Variants in ABCC2 observed in about 807,000 individuals in gnomAD.
ABCC2 encodes ATP-binding cassette sub-family C member 2.
Under a neutral mutation model 173.4 loss-of-function variants are expected in ABCC2, and 157 were observed. The ratio of observed to expected loss-of-function variants is 0.91; its 90% CI spans 0.80 to 1.03. The LOEUF (loss-of-function observed/expected upper bound fraction) is 1.03, where lower values mean the gene tolerates loss of function less well. Ranked by LOEUF, ABCC2 falls within the 50% of genes least tolerant of loss-of-function variation. ABCC2 has a pLI of 0.00. For synonymous variants in ABCC2, 657 were observed against 693.5 expected (o/e 0.95, Z 0.83); for missense variants, 1,822 against 1,852.3 (o/e 0.98, Z 0.30).
rs2038340236 is a variant in ABCC2, at chr10:99,814,575, A to G, written c.2094+1431A>G. On this transcript the variant is annotated intron_variant, in intron 16 of 31. Coordinates refer to ENST00000647814, the MANE Select transcript of ABCC2 (RefSeq NM_000392.5). Reference sequence around the variant, plus strand: ...TGTGTATATACACATATACACACACATATGTGTATATACACATATACACAC... The same window carrying G: ...TGTGTATATACACATATACACACACGTATGTGTATATACACATATACACAC... 2.0e-5 allele frequency among the ~76,000 whole-genome samples: 2 copies of G among 101,120 alleles called. 1 individual carries two copies. The highest frequency in any genetic ancestry group is 7.9e-5 in the African/African-American group (2 of 25,386). 66.3% of individuals were successfully genotyped at this position (101,120 alleles called of 152,430 possible).
At chr10:99,847,392 A>G (rs934386648) in intron 30 of ABCC2, among the ~76,000 whole-genome samples, 9 of 151,812 alleles carry the variant, frequency 5.9e-5, no homozygotes, top group African/African-American at 9.7e-5. Flanking sequence ...ACCTGAGGTC[A>G]GGAGTTCGTG....
rs552720973 is a variant in ABCC2 at position 99,834,808 on chromosome 10, C to T, written c.3414+273C>T. ...TGGAAGCTTAGGTCGGACAGATTTA[C>T]GTTTGGATCCAAGACTACTTTGAGA... On this transcript the variant is annotated intron_variant, in intron 24 of 31. Coordinates refer to ENST00000647814, the MANE Select transcript of ABCC2 (RefSeq NM_000392.5). Among the ~76,000 whole-genome samples the T allele has an allele frequency of 2.5e-4, 38 of 152,286 alleles. No individual in the cohort carries two copies. The South Asian group carries it at 6.4e-3, about 26-fold the overall frequency.
chr10:99,818,291 C>T (rs2038458050), intron 17 of ABCC2, among the ~76,000 whole-genome samples: 1 of 151,938 alleles, frequency 6.6e-6, no homozygotes, highest in African/African-American at 2.4e-5. Flanking sequence ...TATTTTGAAA[C>T]CTCTAAATAA....
At chr10:99,835,275 G>A (rs979096433) in intron 24 of ABCC2, among the ~76,000 whole-genome samples, 3 of 152,120 alleles carry the variant, frequency 2.0e-5, no homozygotes, top group Admixed American at 1.3e-4. Context: ...CCCCATGTCC[G>A]TGTACAGTTC....
At position 99,851,762 on chromosome 10, in the gene ABCC2, A is replaced by G. The variant is rs1488117209; in HGVS notation, c.*131A>G. ...TTTAAAAAAGGATAAGTGAACACCC[A>G]TGAACCTACTACCCAGGTTAAGAAA... is the stretch of plus-strand genomic sequence containing the variant. On this transcript the variant is annotated 3_prime_UTR_variant, in exon 32 of 32. Transcript: ENST00000647814. 8 of 897,986 alleles carry G rather than the reference A, an allele frequency of 8.9e-6. No individual in the cohort carries two copies. The highest frequency in any genetic ancestry group is 1.2e-5 in the Non-Finnish European group (7 of 606,678). The allele number at this position is 897,986 out of a possible 1,614,324, so 55.6% of individuals were successfully genotyped here.
intron 7 of ABCC2, among the ~76,000 whole-genome samples, chr10:99,798,857 A>T (rs1412212110): frequency 6.6e-6 from 1 of 152,166 alleles, no homozygotes; most frequent in Non-Finnish European, 1.5e-5. Context: ...AGCAACCATG[A>T]AAAGAACAAG....
chr10:99,810,511 A>G (rs899653709), intron 14 of ABCC2, among the ~76,000 whole-genome samples: 2 of 152,204 alleles, frequency 1.3e-5, no homozygotes, highest in Non-Finnish European at 2.9e-5. Context: ...GGGATTGGGA[A>G]GGTAGCCTGG....
intron 23 of ABCC2, among the ~76,000 whole-genome samples, chr10:99,832,448 C>T (rs2038756941): frequency 6.6e-6 from 1 of 151,912 alleles, no homozygotes; most frequent in Non-Finnish European, 1.5e-5. Flanking sequence ...GAAAAAAAGG[C>T]ACTAGCCCAG....
intron 2 of ABCC2, chr10:99,789,281 C>T (rs2037772187): frequency 6.6e-6 from 1 of 152,208 alleles, no homozygotes; most frequent in South Asian, 2.1e-4. Context: ...GGGACACCTC[C>T]TCATATGTCA....
chr10:99,787,443 T>C (rs2037733971), intron 2 of ABCC2, among the ~76,000 whole-genome samples: 1 of 152,016 alleles, frequency 6.6e-6, no homozygotes. Flanking sequence ...TGTATTGATA[T>C]TTTACCCCTT....
chr10:99,850,481 C>T, intron 30 of ABCC2, 121 bp from the exon 31 acceptor site: 3 of 1,002,696 alleles, frequency 3.0e-6, no homozygotes, highest in Non-Finnish European at 4.6e-6. Flanking sequence ...CCCAAACATT[C>T]CAGGGGAATT....
chr10:99,794,131 C>CA, intron 5 of ABCC2, 132 bp downstream of exon 5: 1 of 816,734 alleles, frequency 1.2e-6, no homozygotes, highest in Non-Finnish European at 1.9e-6. Flanking sequence ...CATTTTATGA[C>CA]AAGGAAACAG....
chr10:99,821,505 C>T (rs1175618495), intron 19 of ABCC2, among the ~76,000 whole-genome samples: 6 of 152,076 alleles, frequency 3.9e-5, no homozygotes, highest in Non-Finnish European at 7.4e-5. Context: ...GTCCCTGCGG[C>T]CTTCCGCAGT....
chr10:99,826,224 G>A (rs953538524), intron 19 of ABCC2, among the ~76,000 whole-genome samples: 2 of 152,196 alleles, frequency 1.3e-5, no homozygotes, highest in Admixed American at 6.5e-5. Context: ...AACAACTCCT[G>A]TTATTGCTTG....
intron 2 of ABCC2, among the ~76,000 whole-genome samples, chr10:99,789,582 G>GT (rs1480366639): frequency 6.6e-6 from 1 of 151,858 alleles, no homozygotes; most frequent in African/African-American, 2.4e-5. Context: ...GGGCATAATG[G>GT]TTCACACCTG....
chr10:99,811,846 C>T (rs1476852402), intron 15 of ABCC2, among the ~76,000 whole-genome samples: 1 of 152,184 alleles, frequency 6.6e-6, no homozygotes, highest in East Asian at 1.9e-4. Flanking sequence ...CAGCTGTGAT[C>T]CCATGAAGAC....
At chr10:99,840,466 C>A (rs2038919635) in intron 25 of ABCC2, among the ~76,000 whole-genome samples, 2 of 148,816 alleles carry the variant, frequency 1.3e-5, no homozygotes, top group Admixed American at 6.6e-5. Context: ...CCTCCGGCGC[C>A]GCGACCTCCT....
chr10:99,812,339 G>A (rs1010793766), intron 15 of ABCC2, among the ~76,000 whole-genome samples: 1 of 152,146 alleles, frequency 6.6e-6, no homozygotes, highest in Admixed American at 6.5e-5. Flanking sequence ...TATAGGTCTG[G>A]AAGAAATTCA....
rs1025423968 is a variant in ABCC2 at position 99,852,053 on chromosome 10, G to T, written c.*422G>T. 2.3e-5 allele frequency: 4 copies of T among 172,712 alleles called. No homozygotes were observed. Among genetic ancestry groups the T allele is most frequent in the Admixed American group, 5.6e-5 (1 of 17,810 alleles). 10.7% of individuals were successfully genotyped at this position (172,712 alleles called of 1,614,324 possible). ...ATTATATCTGAGATTCATCCATGGT[G>T]ATGCAAATAGGTGCATTATTTTTTT... On this transcript the variant is annotated 3_prime_UTR_variant, in exon 32 of 32. Transcript: ENST00000647814.
Sources: gnomAD v4.1 joint callset for allele counts (sites outside exome capture counted in the v4.1 genomes callset) on GRCh38, gnomAD v4.1.1 for gene constraint, MANE v1.5 for transcripts, NCBI Gene and HGNC (gene_info 2026-07-23, HGNC 2026-07-21) for gene names.